UPRT: variants seen among roughly 807,000 people sequenced by gnomAD.
UPRT encodes the protein uracil phosphoribosyltransferase homolog.
Under a neutral mutation model 22.6 loss-of-function variants are expected in UPRT, and 5 were observed. That is an observed-to-expected ratio of 0.22 (90% CI 0.12 to 0.47). UPRT has a LOEUF of 0.47. UPRT is among the 20% of genes least tolerant of loss of function. The pLI, the probability that UPRT is intolerant of heterozygous loss-of-function variation, is 0.99. For missense variants in UPRT, 181 were observed against 239.9 expected, an observed-to-expected ratio of 0.75 and a Z score of 1.62; for synonymous variants, 77 against 87.7, an observed-to-expected ratio of 0.88 and a Z score of 0.68.
At chrX:75,216,898 G>A (rs1254352606) in intron 4 of UPRT, among the ~76,000 whole-genome samples, 1 of 111,494 alleles carries the variant, frequency 9.0e-6, no homozygotes, top group Non-Finnish European at 1.9e-5. Flanking sequence ...GGGACTACAG[G>A]CGCCCGCCAC....
intron 4 of UPRT, among the ~76,000 whole-genome samples, chrX:75,175,678 C>T (rs1322332142): frequency 8.9e-6 from 1 of 111,926 alleles, no homozygotes; most frequent in Non-Finnish European, 1.9e-5. Flanking sequence ...CAGTGATTGC[C>T]TTGGCATAGT....
chrX:75,177,750 C>A (rs2147607769), intron 4 of UPRT, among the ~76,000 whole-genome samples: 1 of 111,972 alleles, frequency 8.9e-6, no homozygotes, highest in South Asian at 3.7e-4. Context: ...TCCAGGTAGT[C>A]CCCACTACAA....
chrX:75,218,917 T>C (rs959225374), intron 4 of UPRT, among the ~76,000 whole-genome samples: 2 of 110,603 alleles, frequency 1.8e-5, no homozygotes. Flanking sequence ...AGGGATAGCT[T>C]TAGGAGATAT....
chrX:75,196,232 C>A (rs1387439492), intron 4 of UPRT, among the ~76,000 whole-genome samples: 1 of 112,096 alleles, frequency 8.9e-6, no homozygotes, highest in African/African-American at 3.3e-5. Flanking sequence ...GTGGTGCGAT[C>A]ATAGCTCACT....
At chrX:75,246,531 T>G (rs1276588725) in intron 4 of UPRT, among the ~76,000 whole-genome samples, 1 of 110,874 alleles carries the variant, frequency 9.0e-6, no homozygotes, top group African/African-American at 3.3e-5. Context: ...TGGTTCCAAG[T>G]CTTTGCTATT....
chrX:75,220,201 A>G (rs1047220173), intron 4 of UPRT, among the ~76,000 whole-genome samples: 4 of 109,791 alleles, frequency 3.6e-5, no homozygotes, highest in African/African-American at 1.3e-4. Context: ...TTTGAAATCT[A>G]TTTTTTTTCT....
At chrX:75,182,166 T>G (rs1479222147) in intron 4 of UPRT, among the ~76,000 whole-genome samples, 2 of 112,332 alleles carry the variant, frequency 1.8e-5, no homozygotes, top group Non-Finnish European at 3.8e-5. Flanking sequence ...TTTATGGATT[T>G]GCATATGTTG....
chrX:75,186,889 A>G (rs1490534056), intron 4 of UPRT, among the ~76,000 whole-genome samples: 2 of 111,166 alleles, frequency 1.8e-5, no homozygotes, highest in Non-Finnish European at 3.8e-5. Context: ...ATCTTCCTCC[A>G]TCCCTTTATT....
intron 6 of UPRT, 142 bp downstream of exon 6, chrX:75,301,107 G>A (rs2082742879): frequency 2.5e-6 from 1 of 405,701 alleles, no homozygotes; most frequent in Non-Finnish European, 4.2e-6. Flanking sequence ...TATAACTTGT[G>A]TTTGTCATCT....
chrX:75,282,237 T>A (rs1032331386), intron 1 of UPRT, among the ~76,000 whole-genome samples: 5 of 11,102 alleles, frequency 4.5e-4, no homozygotes, highest in Admixed American at 3.3e-3. Context: ...TATCTTATAT[T>A]TTTTTTTTTG....
rs186595515 is a variant in UPRT at position 75,233,518 on chromosome X, G to A, written c.-446-57506G>A. 3.0e-3 allele frequency among the ~76,000 whole-genome samples: 336 copies of A among 110,375 alleles called. 1 individual carries two copies. The highest frequency in any genetic ancestry group is 0.01 in the African/African-American group (306 of 30,480). On this transcript the variant is annotated intron_variant, in intron 4 of 13. Coordinates refer to the UPRT transcript ENST00000652605. ...CCAAAGTTGAAATGAAGGAAAAAATGTGAAGGGCAGCCAGAGAGAAAGGTC... is the reference window on the plus strand; with the variant it reads ...CCAAAGTTGAAATGAAGGAAAAAATATGAAGGGCAGCCAGAGAGAAAGGTC...
Position 75,304,369 on chromosome X carries a change from C to A in UPRT, c.*858C>A, listed in dbSNP as rs1302050665. ...TGCTTCATTTTTAATTTGGATGTTT[C>A]TGCTAGAGACCTTTGATTTGGAAAT... On this transcript the variant is annotated 3_prime_UTR_variant, in exon 7 of 7. Transcript: ENST00000373383. 9.0e-6 allele frequency: 1 copy of A among 111,128 alleles called. No individual in the cohort carries two copies. 9.2% of individuals were successfully genotyped at this position (111,128 alleles called of 1,213,427 possible).
At chrX:75,194,858 C>T (rs2082328439) in intron 4 of UPRT, among the ~76,000 whole-genome samples, 1 of 110,679 alleles carries the variant, frequency 9.0e-6, no homozygotes, top group Admixed American at 9.6e-5. Context: ...GGACATTGGC[C>T]TGCATGCCTA....
intron 4 of UPRT, among the ~76,000 whole-genome samples, chrX:75,195,253 G>A (rs926273060): frequency 3.6e-5 from 4 of 112,337 alleles, no homozygotes; most frequent in African/African-American, 1.3e-4. Context: ...TATGATGTGG[G>A]CCTCTAAGAG....
intron 4 of UPRT, among the ~76,000 whole-genome samples, chrX:75,215,013 A>G (rs1182067744): frequency 9.0e-6 from 1 of 111,478 alleles, no homozygotes; most frequent in East Asian, 2.8e-4. Flanking sequence ...AAGGCAGGAG[A>G]AAACTTTTGA....
intron 4 of UPRT, among the ~76,000 whole-genome samples, chrX:75,193,966 A>T (rs1254503564): frequency 8.9e-6 from 1 of 111,817 alleles, no homozygotes; most frequent in Non-Finnish European, 1.9e-5. Context: ...AATTTCAGCC[A>T]TCTCCACCTG....
intron 4 of UPRT, among the ~76,000 whole-genome samples, chrX:75,251,251 T>A (rs184320031): frequency 0.033 from 3,634 of 111,113 alleles, 53 homozygotes; most frequent in South Asian, 0.065. Context: ...GTATTCAATT[T>A]GGAAAAGAGG....
intron 4 of UPRT, among the ~76,000 whole-genome samples, chrX:75,194,362 G>A (rs1041091573): frequency 2.5e-4 from 28 of 111,232 alleles, no homozygotes; most frequent in Admixed American, 7.6e-4. Flanking sequence ...TCAGAATGCT[G>A]GTGACAACAC....
At chrX:75,177,210 G>A (rs755538711) in intron 4 of UPRT, among the ~76,000 whole-genome samples, 26 of 103,885 alleles carry the variant, frequency 2.5e-4, no homozygotes, top group African/African-American at 8.4e-4. Flanking sequence ...CCTGCTGATC[G>A]GAATAGTTGC....
Sources: allele counts gnomAD v4.1 joint callset (sites outside exome capture counted in the v4.1 genomes callset), GRCh38; gene constraint gnomAD v4.1.1; transcripts MANE v1.5; gene names NCBI Gene and HGNC (gene_info 2026-07-23, HGNC 2026-07-21).